The following ANTXR2 variants were observed in gnomAD, a reference collection of about 807,000 sequenced individuals.
ANTXR2 encodes the protein ANTXR cell adhesion molecule 2, also known as anthrax toxin receptor 2.
A neutral mutation model predicts 73.7 loss-of-function variants in ANTXR2; 44 were observed. The observed-to-expected ratio is 0.60, with a 90% CI of 0.47 to 0.77. The LOEUF (loss-of-function observed/expected upper bound fraction) is 0.77. ANTXR2 is among the 30% of genes least tolerant of loss of function. ANTXR2 has a pLI of 0.00. For synonymous variants in ANTXR2, 217 were observed against 205.9 expected, an observed-to-expected ratio of 1.05 and a Z score of -0.46; for missense variants, 604 against 592.5, an observed-to-expected ratio of 1.02 and a Z score of -0.20.
At chr4:80,066,982 G>T (rs1460038926) in intron 3 of ANTXR2, among the ~76,000 whole-genome samples, 2 of 152,090 alleles carry the variant, frequency 1.3e-5, no homozygotes, top group Admixed American at 1.3e-4. Context: ...CGGATCACGA[G>T]GTCAGGAGAT....
Position 80,031,633 on chromosome 4 carries a change from T to C in ANTXR2, c.856A>G (p.Lys286Glu), listed in dbSNP as rs762146916. The change falls in exon 10 of 17, where the codon AAA becomes GAA. Residue 286 changes from lysine to glutamate, a missense_variant. Coordinates refer to ENST00000403729, the MANE Select transcript of ANTXR2 (RefSeq NM_058172.6). ...SMLCPAPILN[K>E]AGETLDVSVS... Reference sequence around the variant, plus strand: ...AAATTAAGTACTTACTCTCCAGCTTTATTCAGGATAGGTGCAGGACAAAGC... The same window carrying C: ...AAATTAAGTACTTACTCTCCAGCTTCATTCAGGATAGGTGCAGGACAAAGC... 17 of 1,519,458 alleles carry C rather than the reference T, an allele frequency of 1.1e-5. No individual in the cohort carries two copies. In the African/African-American group the frequency reaches 2.5e-4, roughly 22 times the overall value. The allele number at this position is 1,519,458 out of a possible 1,614,324, so 94.1% of individuals were successfully genotyped here.
intron 7 of ANTXR2, among the ~76,000 whole-genome samples, chr4:80,040,193 C>T (rs983564425): frequency 2.6e-5 from 4 of 151,774 alleles, no homozygotes; most frequent in Admixed American, 6.6e-5. Context: ...GTGATGGGAT[C>T]AACTGGACCC....
rs184461261 is a variant in ANTXR2 at position 79,910,303 on chromosome 4, G to A, written c.1429-2836C>T. Reference sequence around the variant, plus strand: ...AGGCAGGCAGATCATGAGGTCAAGAGATCAAGACCATCCTGGCCAACATGG... The same window carrying A: ...AGGCAGGCAGATCATGAGGTCAAGAAATCAAGACCATCCTGGCCAACATGG... On this transcript the variant is annotated intron_variant, in intron 16 of 16. Transcript: ENST00000403729. Among the ~76,000 whole-genome samples the A allele has an allele frequency of 4.3e-3, 658 of 152,182 alleles. 1 individual carries two copies. Among genetic ancestry groups the A allele is most frequent in the Non-Finnish European group, 6.5e-3 (444 of 68,010 alleles).
intron 16 of ANTXR2, among the ~76,000 whole-genome samples, chr4:79,920,339 C>G (rs1705833698): frequency 6.6e-6 from 1 of 152,036 alleles, no homozygotes; most frequent in Non-Finnish European, 1.5e-5. Flanking sequence ...ATACAGCAAT[C>G]AATATGATGG....
At chr4:79,951,269 A>G (rs1340199939) in intron 16 of ANTXR2, among the ~76,000 whole-genome samples, 1 of 152,132 alleles carries the variant, frequency 6.6e-6, no homozygotes, top group African/African-American at 2.4e-5. Flanking sequence ...AGTCTAATAT[A>G]CTACATTCTC....
chr4:79,944,572 A>AT (rs1401653403), intron 16 of ANTXR2, among the ~76,000 whole-genome samples: 2 of 151,468 alleles, frequency 1.3e-5, no homozygotes, highest in Non-Finnish European at 1.5e-5. Context: ...AATAAAAGGT[A>AT]TTTTTTTCAG....
In ANTXR2 at chr4:79,956,873, A is replaced by T. The variant is rs540883582; in HGVS notation, c.1428+20748T>A. Among the ~76,000 whole-genome samples, 105 of 152,206 alleles carry T rather than the reference A, an allele frequency of 6.9e-4. 1 individual carries two copies. The highest frequency in any genetic ancestry group is 2.4e-3 in the African/African-American group (100 of 41,546). On this transcript the variant is annotated intron_variant, in intron 16 of 16. Coordinates refer to ENST00000403729, the MANE Select transcript of ANTXR2 (RefSeq NM_058172.6). ...GAAGGAGACCCCGGGCAAATCAAGA[A>T]AAATAGCTGAAGCCAATAATCCCTG... is the stretch of plus-strand genomic sequence containing the variant.
chr4:80,019,063 G>A, intron 10 of ANTXR2, 87 bp from the exon 11 acceptor site: 1 of 893,388 alleles, frequency 1.1e-6, no homozygotes, highest in Non-Finnish European at 1.6e-6. Context: ...TTCAAAACCA[G>A]CCAGAAAACA....
chr4:79,947,874 C>T (rs1728571363), intron 16 of ANTXR2, among the ~76,000 whole-genome samples: 1 of 152,046 alleles, frequency 6.6e-6, no homozygotes, highest in Non-Finnish European at 1.5e-5. Flanking sequence ...GATTTTGGCC[C>T]TACCTTTTCA....
chr4:79,907,583 A>T, intron 16 of ANTXR2, 116 bp from the exon 17 acceptor site: 2 of 1,154,270 alleles, frequency 1.7e-6, no homozygotes, highest in Non-Finnish European at 2.5e-6. Flanking sequence ...GTACCATGTT[A>T]ACTTGAGACA....
At chr4:80,010,125 T>C (rs1218836743) in intron 11 of ANTXR2, among the ~76,000 whole-genome samples, 2 of 152,004 alleles carry the variant, frequency 1.3e-5, no homozygotes, top group Non-Finnish European at 2.9e-5. Context: ...TAATACTTTA[T>C]AGAAATTTTC....
chr4:80,072,334 C>G lies in ANTXR2; in HGVS notation c.152+75G>C, dbSNP rs115149752. The G allele has an allele frequency of 4.3e-4, 621 of 1,439,114 alleles. 1 individual carries two copies. Among genetic ancestry groups the G allele is most frequent in the Non-Finnish European group, 5.4e-4 (588 of 1,086,664 alleles). The allele number at this position is 1,439,114 out of a possible 1,614,324, so 89.1% of individuals were successfully genotyped here. On this transcript the variant is annotated intron_variant, in intron 1 of 16. Transcript: ENST00000403729. ...AACACCACTCCCCGGGGTGCGCACA[C>G]GCATCTCAGCCTCAGCCCCAGCTGA...
chr4:79,950,628 T>TA lies in ANTXR2; in HGVS notation c.1428+26992dup, dbSNP rs148647345. 2.8e-3 allele frequency among the ~76,000 whole-genome samples: 425 copies of TA among 152,148 alleles called. 3 individuals carry two copies. The highest frequency in any genetic ancestry group is 0.01 in the African/African-American group (415 of 41,500). ...GACGTCAAGGTGCTATTTCAAACTT[T>TA]AAAAAACAAAACAAAACAGATGCCA... On this transcript the variant is annotated intron_variant, in intron 16 of 16. Transcript: ENST00000403729.
chr4:80,057,512 A>T (rs1290216663), intron 3 of ANTXR2, among the ~76,000 whole-genome samples: 1 of 151,958 alleles, frequency 6.6e-6, no homozygotes, highest in African/African-American at 2.4e-5. Context: ...GTAACAGAAG[A>T]CAATGTTCAA....
At chr4:79,962,188 C>T (rs1246074316) in intron 16 of ANTXR2, among the ~76,000 whole-genome samples, 2 of 151,918 alleles carry the variant, frequency 1.3e-5, no homozygotes, top group African/African-American at 4.8e-5. Context: ...TGTTATTTTC[C>T]ACTGAAACAG....
At chr4:79,957,140 C>T (rs191705583) in intron 16 of ANTXR2, among the ~76,000 whole-genome samples, 54 of 152,182 alleles carry the variant, frequency 3.5e-4, no homozygotes, top group Non-Finnish European at 6.0e-4. Context: ...GGCTAAGCTA[C>T]TCAGGAAAAC....
intron 16 of ANTXR2, among the ~76,000 whole-genome samples, chr4:79,915,151 G>A (rs1339453835): frequency 1.3e-5 from 2 of 152,140 alleles, no homozygotes; most frequent in African/African-American, 4.8e-5. Context: ...AGGGAATGGA[G>A]ATGCCCTGAA....
intron 16 of ANTXR2, among the ~76,000 whole-genome samples, chr4:79,920,201 A>T (rs956130701): frequency 6.6e-6 from 1 of 151,984 alleles, no homozygotes; most frequent in African/African-American, 2.4e-5. Context: ...CTAAAAACAA[A>T]TCTAGGACTC....
intron 12 of ANTXR2, among the ~76,000 whole-genome samples, chr4:79,992,831 A>C (rs1209026854): frequency 6.6e-6 from 1 of 152,044 alleles, no homozygotes; most frequent in Non-Finnish European, 1.5e-5. Flanking sequence ...CAAGTGAATG[A>C]CTTTTTTCAG....
Sources: gnomAD v4.1 joint callset for allele counts (sites outside exome capture counted in the v4.1 genomes callset) on GRCh38, gnomAD v4.1.1 for gene constraint, MANE v1.5 for transcripts, NCBI Gene and HGNC (gene_info 2026-07-23, HGNC 2026-07-21) for gene names.